The following SHISA9 variants were observed in gnomAD, a reference collection of about 807,000 sequenced individuals.
SHISA9 encodes protein shisa-9.
Under a neutral mutation model 38.0 loss-of-function variants are expected in SHISA9, and 13 were observed. The observed-to-expected ratio is 0.34, with a 90% confidence interval of 0.22 to 0.54. The LOEUF is 0.54. Among genes scored for constraint, SHISA9 ranks in the 20% least tolerant of loss-of-function variants. SHISA9 has a pLI of 0.91. For missense variants in SHISA9, 538 were observed against 575.8 expected (o/e 0.93, Z 0.67); for synonymous variants, 275 against 242.0 (o/e 1.14, Z -1.27).
intron 2 of SHISA9, among the ~76,000 whole-genome samples, chr16:12,962,388 T>C (rs1389946479): frequency 6.6e-6 from 1 of 152,200 alleles, no homozygotes; most frequent in Non-Finnish European, 1.5e-5. Flanking sequence ...AGTTGCCAGG[T>C]TCACTTGTGT....
chr16:13,460,206 TGG>T, the SHISA9 span, among the ~76,000 whole-genome samples: 1 of 152,158 alleles, frequency 6.6e-6, no homozygotes, highest in Non-Finnish European at 1.5e-5. Context: ...CCCTGTCCTC[TGG>T]GAGATGGGGG....
the SHISA9 span, among the ~76,000 whole-genome samples, chr16:13,533,263 C>A: frequency 1.2e-3 from 187 of 152,256 alleles, no homozygotes; most frequent in African/African-American, 4.3e-3. Context: ...GCTCTTATCT[C>A]CTCTCGTTTT....
At chr16:13,051,468 T>C (rs1022247302) in intron 2 of SHISA9, among the ~76,000 whole-genome samples, 1 of 152,218 alleles carries the variant, frequency 6.6e-6, no homozygotes, top group African/African-American at 2.4e-5. Flanking sequence ...TGAATGAATA[T>C]CGACTACTTC....
the SHISA9 span, among the ~76,000 whole-genome samples, chr16:13,349,287 T>C: frequency 6.6e-6 from 1 of 152,206 alleles, no homozygotes; most frequent in African/African-American, 2.4e-5. Flanking sequence ...TGTTAACACA[T>C]AGTGACTTGC....
At chr16:13,082,522 C>A (rs1173388900) in intron 2 of SHISA9, 1 of 152,156 alleles carries the variant, frequency 6.6e-6, no homozygotes, top group African/African-American at 2.4e-5. Flanking sequence ...CAGGTACCTC[C>A]TTCTCATGTC....
chr16:13,322,774 A>G, the SHISA9 span, among the ~76,000 whole-genome samples: 2 of 152,190 alleles, frequency 1.3e-5, no homozygotes, highest in East Asian at 3.8e-4. Context: ...AGCTTGAGAC[A>G]TTATTGTAAA....
chr16:13,454,409 G>T, the SHISA9 span, among the ~76,000 whole-genome samples: 1 of 152,180 alleles, frequency 6.6e-6, no homozygotes, highest in Admixed American at 6.5e-5. Flanking sequence ...TGACTCACAC[G>T]CATGGATCCT....
intron 2 of SHISA9, among the ~76,000 whole-genome samples, chr16:13,181,713 G>A (rs1265175827): frequency 6.6e-6 from 1 of 152,018 alleles, no homozygotes; most frequent in Non-Finnish European, 1.5e-5. Flanking sequence ...ATCTCAATAG[G>A]AGGTCCAGGT....
chr16:13,212,180 T>C (rs373842819), intron 3 of SHISA9, among the ~76,000 whole-genome samples: 7 of 152,334 alleles, frequency 4.6e-5, no homozygotes, highest in African/African-American at 1.7e-4. Flanking sequence ...CAGCCTGATA[T>C]ATCTCTGGAA....
the SHISA9 span, among the ~76,000 whole-genome samples, chr16:13,498,780 A>C: frequency 6.6e-6 from 1 of 152,060 alleles, no homozygotes; most frequent in South Asian, 2.1e-4. Context: ...AAAAGAAAAG[A>C]AGGTAGTCAT....
the SHISA9 span, among the ~76,000 whole-genome samples, chr16:13,373,564 C>T: frequency 1.3e-5 from 2 of 152,098 alleles, no homozygotes; most frequent in Non-Finnish European, 2.9e-5. Context: ...AGATCGAGAC[C>T]ATCCTGGCTA....
chr16:13,529,358 C>T, the SHISA9 span, among the ~76,000 whole-genome samples: 1 of 152,192 alleles, frequency 6.6e-6, no homozygotes, highest in Admixed American at 6.5e-5. Context: ...TTAAACATTC[C>T]TTTCTGCTGA....
At chr16:13,206,471 G>A (rs1030529634) in intron 3 of SHISA9, among the ~76,000 whole-genome samples, 2 of 152,174 alleles carry the variant, frequency 1.3e-5, no homozygotes, top group Non-Finnish European at 2.9e-5. Context: ...TAAGATGCAT[G>A]TGGTAACCAT....
chr16:13,338,802 A>G, the SHISA9 span, among the ~76,000 whole-genome samples: 3,188 of 152,322 alleles, frequency 0.021, 111 homozygotes, highest in African/African-American at 0.072. Flanking sequence ...CTTTGAATAC[A>G]TAATACAGTA....
the SHISA9 span, among the ~76,000 whole-genome samples, chr16:13,527,310 T>C: frequency 2.6e-5 from 4 of 152,294 alleles, no homozygotes; most frequent in East Asian, 7.7e-4. Context: ...CCTCCCTCCA[T>C]CTACAAGGTT....
At chr16:13,008,333 C>G (rs1398720412) in intron 2 of SHISA9, among the ~76,000 whole-genome samples, 2 of 152,150 alleles carry the variant, frequency 1.3e-5, no homozygotes, top group Non-Finnish European at 2.9e-5. Flanking sequence ...CTGGGGCTTC[C>G]TGGGATCATC....
At chr16:13,289,369 G>A in the SHISA9 span, among the ~76,000 whole-genome samples, 1 of 151,126 alleles carries the variant, frequency 6.6e-6, no homozygotes, top group Non-Finnish European at 1.5e-5. Context: ...TTGGTGGGGG[G>A]GCGGGAGGGT....
At chr16:13,356,406 T>A in the SHISA9 span, among the ~76,000 whole-genome samples, 1 of 152,088 alleles carries the variant, frequency 6.6e-6, no homozygotes, top group South Asian at 2.1e-4. Context: ...ACGCTTCTGA[T>A]TTGGGATAAA....
chr16:13,052,184 G>GA (rs2073259742), intron 2 of SHISA9, among the ~76,000 whole-genome samples: 2 of 151,744 alleles, frequency 1.3e-5, no homozygotes, highest in South Asian at 4.2e-4. Flanking sequence ...TCCAAGAAAA[G>GA]AAAAAAAAGA....
Sources: gnomAD v4.1 joint callset for allele counts (sites outside exome capture counted in the v4.1 genomes callset) on GRCh38, gnomAD v4.1.1 for gene constraint, MANE v1.5 for transcripts, NCBI Gene and HGNC (gene_info 2026-07-23, HGNC 2026-07-21) for gene names.